TRABD2B: variants seen among roughly 807,000 people sequenced by gnomAD.
TRABD2B encodes the protein metalloprotease TIKI2.
Under a neutral mutation model 40.1 loss-of-function variants are expected in TRABD2B, and 14 were observed. The observed-to-expected ratio is 0.35, with a 90% confidence interval of 0.23 to 0.55. TRABD2B has a LOEUF of 0.55. TRABD2B is among the 20% of genes least tolerant of loss of function. TRABD2B has a pLI of 0.90. For missense variants in TRABD2B, 541 were observed against 648.6 expected, an observed-to-expected ratio of 0.83 and a Z score of 1.80; for synonymous variants, 263 against 277.0, an observed-to-expected ratio of 0.95 and a Z score of 0.50.
intron 2 of TRABD2B, among the ~76,000 whole-genome samples, chr1:47,972,179 G>A (rs1158089958): frequency 6.6e-6 from 1 of 151,992 alleles, no homozygotes; most frequent in Non-Finnish European, 1.5e-5. Flanking sequence ...GTCTTTCTTC[G>A]GGATCTGGTT....
At chr1:47,971,152 C>T (rs905786653) in intron 2 of TRABD2B, among the ~76,000 whole-genome samples, 4 of 152,190 alleles carry the variant, frequency 2.6e-5, no homozygotes, top group African/African-American at 4.8e-5. Flanking sequence ...AGGTACACAT[C>T]CTACTTTCTG....
chr1:47,773,258 C>T (rs1362367319), intron 6 of TRABD2B, among the ~76,000 whole-genome samples: 1 of 152,246 alleles, frequency 6.6e-6, no homozygotes, highest in African/African-American at 2.4e-5. Flanking sequence ...AGCTTGCAAA[C>T]CCTCCCTGCC....
intron 2 of TRABD2B, among the ~76,000 whole-genome samples, chr1:47,969,425 G>T (rs1241152800): frequency 2.6e-5 from 4 of 152,158 alleles, no homozygotes; most frequent in Non-Finnish European, 5.9e-5. Flanking sequence ...CCACTCACAA[G>T]GGCTCAGTTA....
intron 2 of TRABD2B, among the ~76,000 whole-genome samples, chr1:47,940,630 C>A (rs1645172981): frequency 6.6e-6 from 1 of 152,182 alleles, no homozygotes; most frequent in South Asian, 2.1e-4. Flanking sequence ...AGGGCCAGGA[C>A]CCCACAGGCT....
intron 2 of TRABD2B, among the ~76,000 whole-genome samples, chr1:47,938,711 T>C (rs1645145917): frequency 6.6e-6 from 1 of 152,172 alleles, no homozygotes; most frequent in South Asian, 2.1e-4. Flanking sequence ...ACGATGGTGT[T>C]GGACTGGATT....
At chr1:47,989,190 T>C (rs1324520319) in intron 2 of TRABD2B, among the ~76,000 whole-genome samples, 1 of 152,254 alleles carries the variant, frequency 6.6e-6, no homozygotes, top group Non-Finnish European at 1.5e-5. Context: ...ATTTCTGTTG[T>C]TTATAAATTA....
chr1:47,775,111 G>A, intron 6 of TRABD2B, 59 bp downstream of exon 6: 3 of 1,230,640 alleles, frequency 2.4e-6, no homozygotes, highest in Non-Finnish European at 3.0e-6. Flanking sequence ...GGGGTTCAGG[G>A]TATACTATCC....
chr1:47,803,890 A>C (rs1008292540), intron 2 of TRABD2B, among the ~76,000 whole-genome samples: 1 of 152,166 alleles, frequency 6.6e-6, no homozygotes, highest in East Asian at 1.9e-4. Flanking sequence ...CAACTTCTGC[A>C]CTCTGCATTT....
At chr1:47,833,617 T>C (rs1289051356) in intron 2 of TRABD2B, among the ~76,000 whole-genome samples, 1 of 152,210 alleles carries the variant, frequency 6.6e-6, no homozygotes, top group Admixed American at 6.5e-5. Context: ...TGTTTTTCAG[T>C]CTACCTTAAT....
intron 2 of TRABD2B, among the ~76,000 whole-genome samples, chr1:47,939,894 C>T (rs1392905990): frequency 6.6e-6 from 1 of 152,198 alleles, no homozygotes; most frequent in African/African-American, 2.4e-5. Context: ...CTAGCCTCTC[C>T]TTTCTAGTCC....
chr1:47,790,013 T>C (rs1557568816), intron 4 of TRABD2B, among the ~76,000 whole-genome samples: 1 of 152,168 alleles, frequency 6.6e-6, no homozygotes, highest in Non-Finnish European at 1.5e-5. Context: ...AATGAGGACT[T>C]TGAGACTTTT....
Position 47,765,297 on chromosome 1 carries a change from T to A in TRABD2B, c.*605A>T, listed in dbSNP as rs1349143784. ...TTGGTTGAAAACACTTACCAAGAGC[T>A]CTGGAGGGCCAGATAGACACTCAGG... On this transcript the variant is annotated 3_prime_UTR_variant, in exon 7 of 7. Transcript: ENST00000606738. The A allele has an allele frequency of 6.5e-6, 1 of 152,674 alleles. No individual in the cohort carries two copies. The highest frequency in any genetic ancestry group is 2.4e-5 in the African/African-American group (1 of 41,428). The allele number at this position is 152,674 out of a possible 1,614,324, so 9.5% of individuals were successfully genotyped here.
At chr1:47,870,449 C>A (rs964555703) in intron 2 of TRABD2B, among the ~76,000 whole-genome samples, 4 of 152,182 alleles carry the variant, frequency 2.6e-5, no homozygotes, top group African/African-American at 9.7e-5. Flanking sequence ...ATTTCCTACA[C>A]CCCTTCCCCC....
chr1:47,860,984 A>G, intron 2 of TRABD2B, among the ~76,000 whole-genome samples: 1 of 152,188 alleles, frequency 6.6e-6, no homozygotes, highest in East Asian at 1.9e-4. Flanking sequence ...TCTAAGCAAC[A>G]TGAAATGGAC....
chr1:47,799,779 CA>C (rs1404389350), intron 3 of TRABD2B, among the ~76,000 whole-genome samples: 2 of 152,100 alleles, frequency 1.3e-5, no homozygotes, highest in Non-Finnish European at 2.9e-5. Flanking sequence ...CAGGTTCTTC[CA>C]TGCCCTCTCA....
At chr1:47,788,853 G>A (rs1217118040) in intron 4 of TRABD2B, among the ~76,000 whole-genome samples, 1 of 152,116 alleles carries the variant, frequency 6.6e-6, no homozygotes, top group African/African-American at 2.4e-5. Flanking sequence ...CCACCCCTGA[G>A]TCCGGCTCAT....
intron 2 of TRABD2B, among the ~76,000 whole-genome samples, chr1:47,953,625 C>T (rs1016765040): frequency 6.6e-6 from 1 of 152,220 alleles, no homozygotes; most frequent in East Asian, 1.9e-4. Context: ...GAGCTAGTCA[C>T]TTCACCTCTT....
chr1:47,775,490 A>T (rs1644433513), intron 5 of TRABD2B, 51 bp from the exon 6 acceptor site: 1 of 1,231,954 alleles, frequency 8.1e-7, no homozygotes, highest in African/African-American at 1.6e-5. Flanking sequence ...AATGTCATCC[A>T]TGTGTGGTGG....
chr1:47,799,217 C>T (rs377336734), intron 3 of TRABD2B, among the ~76,000 whole-genome samples: 1 of 152,352 alleles, frequency 6.6e-6, no homozygotes, highest in African/African-American at 2.4e-5. Flanking sequence ...CACTCCCGCC[C>T]TCCTGGCCAC....
Sources: allele counts gnomAD v4.1 joint callset (sites outside exome capture counted in the v4.1 genomes callset), GRCh38; gene constraint gnomAD v4.1.1; transcripts MANE v1.5; gene names NCBI Gene and HGNC (gene_info 2026-07-23, HGNC 2026-07-21).